The following GAREM1 variants were observed in gnomAD, a reference collection of about 807,000 sequenced individuals.
GAREM1 encodes GRB2-associated and regulator of MAPK protein 1.
Under a neutral mutation model 71.3 loss-of-function variants are expected in GAREM1, and 26 were observed. The observed-to-expected ratio is 0.36, with a 90% CI of 0.27 to 0.51. The LOEUF (loss-of-function observed/expected upper bound fraction) is 0.51. GAREM1 is among the 20% of genes least tolerant of loss of function. GAREM1 has a pLI of 0.95. For synonymous variants in GAREM1, 440 were observed against 433.2 expected, an observed-to-expected ratio of 1.02 and a Z score of -0.20; for missense variants, 1,026 against 1,103.1, an observed-to-expected ratio of 0.93 and a Z score of 0.99.
chr18:32,401,604 T>C (rs894460092), intron 1 of GAREM1, among the ~76,000 whole-genome samples: 1 of 152,100 alleles, frequency 6.6e-6, no homozygotes, highest in African/African-American at 2.4e-5. Flanking sequence ...CTGAAGGGTT[T>C]TGGATGAGAA....
intron 2 of GAREM1, among the ~76,000 whole-genome samples, chr18:32,356,282 C>T (rs16963245): frequency 0.1 from 15,162 of 152,156 alleles, 1,416 homozygotes; most frequent in African/African-American, 0.24. Context: ...CCAGTCACTC[C>T]ATGTTTGTTT....
At chr18:32,342,922 A>G (rs1440621755) in intron 2 of GAREM1, among the ~76,000 whole-genome samples, 2 of 152,158 alleles carry the variant, frequency 1.3e-5, no homozygotes, top group Non-Finnish European at 2.9e-5. Flanking sequence ...TTTTGTACTA[A>G]ACAATTTGGC....
chr18:32,378,042 G>C lies in GAREM1; in HGVS notation c.262+14853C>G, dbSNP rs1599002812. 3.4e-5 allele frequency among the ~76,000 whole-genome samples: 5 copies of C among 148,650 alleles called. No individual in the cohort carries two copies. In the South Asian group the frequency reaches 1.1e-3, roughly 31 times the overall value. On this transcript the variant is annotated intron_variant, in intron 2 of 5. Transcript: ENST00000269209. ...TGTGTGTGTGTGTGTGTGTGTGTGTGTGTGTGTGTGTGTGTGCGCGCGGGC... is the reference window on the plus strand; with the variant it reads ...TGTGTGTGTGTGTGTGTGTGTGTGTCTGTGTGTGTGTGTGTGCGCGCGGGC...
At chr18:32,448,292 A>C (rs1384599913) in intron 1 of GAREM1, among the ~76,000 whole-genome samples, 1 of 152,214 alleles carries the variant, frequency 6.6e-6, no homozygotes. Flanking sequence ...AATCACTGCT[A>C]ATGTTGTAAT....
chr18:32,318,101 G>A (rs903539434), intron 2 of GAREM1, among the ~76,000 whole-genome samples: 9 of 152,162 alleles, frequency 5.9e-5, no homozygotes, highest in Non-Finnish European at 1.0e-4. Flanking sequence ...CATTGTAAGA[G>A]CTGTTCCATC....
In GAREM1 at chr18:32,306,817, C is replaced by T. The variant is rs112148565; in HGVS notation, c.393+3376G>A. ...GAGGGACTTGCATATTTACTATTTA[C>T]CCCCAGTGCCTGCAGTAGTGCTGGG... is the stretch of plus-strand genomic sequence containing the variant. On this transcript the variant is annotated intron_variant, in intron 3 of 5. Coordinates refer to ENST00000269209, the MANE Select transcript of GAREM1 (RefSeq NM_001242409.2). Among the ~76,000 whole-genome samples, 1,275 of 152,284 alleles carry T rather than the reference C, an allele frequency of 8.4e-3. 17 individuals carry two copies. Among genetic ancestry groups the T allele is most frequent in the African/African-American group, 0.027 (1,134 of 41,558 alleles).
chr18:32,296,447 GT>G (rs906638073), intron 3 of GAREM1, among the ~76,000 whole-genome samples: 5 of 152,202 alleles, frequency 3.3e-5, no homozygotes, highest in South Asian at 2.1e-4. Flanking sequence ...GATTTCACCA[GT>G]TTTTTTCCCA....
chr18:32,355,009 C>A (rs1169425963), intron 2 of GAREM1, among the ~76,000 whole-genome samples: 1 of 152,014 alleles, frequency 6.6e-6, no homozygotes, highest in Non-Finnish European at 1.5e-5. Context: ...TGTACCTATG[C>A]CGAAGAAAAA....
At chr18:32,446,222 TAG>T (rs1491505137) in intron 1 of GAREM1, among the ~76,000 whole-genome samples, 10 of 131,544 alleles carry the variant, frequency 7.6e-5, no homozygotes, top group Admixed American at 5.7e-4. Context: ...AAGTTCCCCA[TAG>T]TGTGTGTGTG....
rs79809639 is a variant in GAREM1 at position 32,468,796 on chromosome 18, G to C, written c.121+1512C>G. ...GCAGAGATGAGAGAAGGTAGGAAAA[G>C]GTAAGGACTCACAATCTGCCAATAT... On this transcript the variant is annotated intron_variant, in intron 1 of 5. Transcript: ENST00000269209. Among the ~76,000 whole-genome samples, 123 of 152,130 alleles carry C rather than the reference G, an allele frequency of 8.1e-4. 1 individual carries two copies. The highest frequency in any genetic ancestry group is 2.6e-3 in the African/African-American group (108 of 41,412).
At chr18:32,462,483 G>A (rs1315001704) in intron 1 of GAREM1, among the ~76,000 whole-genome samples, 3 of 152,124 alleles carry the variant, frequency 2.0e-5, no homozygotes, top group African/African-American at 7.2e-5. Flanking sequence ...TTGCTATGGA[G>A]TTGAGTTCCC....
chr18:32,463,198 TTAATA>T (rs1401634876), intron 1 of GAREM1, among the ~76,000 whole-genome samples: 1 of 152,188 alleles, frequency 6.6e-6, no homozygotes, highest in Non-Finnish European at 1.5e-5. Context: ...TAAATATGTA[TTAATA>T]TAATGATTGT....
At chr18:32,453,329 G>A (rs933288419) in intron 1 of GAREM1, among the ~76,000 whole-genome samples, 14 of 152,098 alleles carry the variant, frequency 9.2e-5, no homozygotes, top group East Asian at 1.9e-4. Context: ...AGATTTGGGC[G>A]GGGACACAGC....
chr18:32,330,633 AC>A (rs2047523566), intron 2 of GAREM1, among the ~76,000 whole-genome samples: 1 of 146,816 alleles, frequency 6.8e-6, no homozygotes, highest in East Asian at 2.1e-4. Context: ...TTGTATACAA[AC>A]CACTGCACTT....
chr18:32,335,734 C>T (rs1475227977), intron 2 of GAREM1, among the ~76,000 whole-genome samples: 1 of 152,206 alleles, frequency 6.6e-6, no homozygotes, highest in Non-Finnish European at 1.5e-5. Context: ...CTGAAAAGCA[C>T]AGGTTTCTAA....
At chr18:32,457,962 T>C (rs752690910) in intron 1 of GAREM1, among the ~76,000 whole-genome samples, 10 of 152,024 alleles carry the variant, frequency 6.6e-5, no homozygotes, top group Non-Finnish European at 1.2e-4. Context: ...AGATATTCAA[T>C]AGAAAAAATG....
chr18:32,263,584 T>C lies in GAREM1; in HGVS notation c.*4287A>G, dbSNP rs986514480. On this transcript the variant is annotated 3_prime_UTR_variant, in exon 6 of 6. Coordinates refer to ENST00000269209, the MANE Select transcript of GAREM1 (RefSeq NM_001242409.2). ...CCATTTAAATCAACAGACAAGGAAA[T>C]TTTTAGACATAACATACTGTGTTTA... is the stretch of plus-strand genomic sequence containing the variant. 2.6e-5 allele frequency: 4 copies of C among 152,144 alleles called. No individual in the cohort carries two copies. The highest frequency in any genetic ancestry group is 5.9e-5 in the Non-Finnish European group (4 of 68,032). The allele number at this position is 152,144 out of a possible 1,614,324, so 9.4% of individuals were successfully genotyped here.
chr18:32,370,748 G>T (rs1243289459), intron 2 of GAREM1, among the ~76,000 whole-genome samples: 1 of 151,974 alleles, frequency 6.6e-6, no homozygotes, highest in Non-Finnish European at 1.5e-5. Flanking sequence ...ACTACCTGCT[G>T]TTTACAATTT....
chr18:32,418,137 G>C (rs2048481722), intron 1 of GAREM1, among the ~76,000 whole-genome samples: 1 of 152,008 alleles, frequency 6.6e-6, no homozygotes, highest in Non-Finnish European at 1.5e-5. Flanking sequence ...ATATTTTCTA[G>C]ATGCAAGAGG....
Sources: allele counts gnomAD v4.1 joint callset (sites outside exome capture counted in the v4.1 genomes callset), GRCh38; gene constraint gnomAD v4.1.1; transcripts MANE v1.5; gene names NCBI Gene and HGNC (gene_info 2026-07-23, HGNC 2026-07-21).